CFAP161: variants seen among roughly 807,000 people sequenced by gnomAD.
CFAP161 encodes cilia- and flagella-associated protein 161.
In CFAP161, 25 loss-of-function variants were observed where a neutral mutation model predicts 29.0. The ratio of observed to expected loss-of-function variants is 0.86; its 90% CI spans 0.63 to 1.20. The LOEUF (loss-of-function observed/expected upper bound fraction) is 1.20, where lower values mean the gene tolerates loss of function less well. Among genes scored for constraint, CFAP161 ranks in the 50% most tolerant of loss-of-function variants. CFAP161 has a pLI of 0.00. For synonymous variants in CFAP161, 116 were observed against 137.4 expected, an observed-to-expected ratio of 0.84 and a Z score of 1.09; for missense variants, 367 against 371.9, an observed-to-expected ratio of 0.99 and a Z score of 0.11.
intron 1 of CFAP161, among the ~76,000 whole-genome samples, chr15:81,107,122 T>C (rs1005203177): frequency 2.0e-5 from 3 of 152,218 alleles, no homozygotes; most frequent in Admixed American, 2.0e-4. Flanking sequence ...AAACATCTGC[T>C]GAATGAGGTG....
chr15:81,140,093 G>GT (rs1894881244), intron 4 of CFAP161, among the ~76,000 whole-genome samples: 1 of 150,900 alleles, frequency 6.6e-6, no homozygotes, highest in Non-Finnish European at 1.5e-5. Context: ...CAAATCATCC[G>GT]TTTTTTGCCT....
intron 1 of CFAP161, among the ~76,000 whole-genome samples, chr15:81,135,018 T>C (rs1894784356): frequency 6.6e-6 from 1 of 152,316 alleles, no homozygotes; most frequent in East Asian, 1.9e-4. Context: ...TCATTTAGGA[T>C]GGTATCTGGC....
upstream of CFAP161, among the ~76,000 whole-genome samples, chr15:81,133,352 C>G (rs923603973): frequency 1.3e-5 from 2 of 151,546 alleles, no homozygotes; most frequent in Non-Finnish European, 2.9e-5. Context: ...GCCACCACGC[C>G]AGCCCATCAG....
intron 5 of CFAP161, among the ~76,000 whole-genome samples, chr15:81,147,326 C>T (rs1027621930): frequency 8.6e-5 from 13 of 152,036 alleles, no homozygotes; most frequent in African/African-American, 2.9e-4. Flanking sequence ...ATATTGAGGT[C>T]CCCGGACCCT....
At chr15:81,115,849 A>AT (rs59925511) in intron 1 of CFAP161, among the ~76,000 whole-genome samples, 1,760 of 138,688 alleles carry the variant, frequency 0.013, 52 homozygotes, top group East Asian at 0.11. Context: ...TAGCTAATTA[A>AT]TTTTTTTTTT....
intron 1 of CFAP161, among the ~76,000 whole-genome samples, chr15:81,107,987 T>C (rs1220565006): frequency 6.6e-6 from 1 of 152,066 alleles, no homozygotes; most frequent in East Asian, 1.9e-4. Flanking sequence ...TCCCATACTA[T>C]CTCTGCACTT....
chr15:81,125,112 G>GA (rs58323425), intron 1 of CFAP161, among the ~76,000 whole-genome samples: 26 of 149,540 alleles, frequency 1.7e-4, no homozygotes, highest in African/African-American at 5.4e-4. Context: ...AAGTAAAAAA[G>GA]AAAAAAAAAC....
At chr15:81,121,452 ACT>A (rs1567153455) in intron 1 of CFAP161, among the ~76,000 whole-genome samples, 1 of 151,898 alleles carries the variant, frequency 6.6e-6, no homozygotes, top group Non-Finnish European at 1.5e-5. Context: ...AGACAAAATT[ACT>A]CTTTCTTTCT....
intron 1 of CFAP161, 66 bp downstream of exon 1, chr15:81,134,464 G>C (rs1317472729): frequency 6.7e-7 from 1 of 1,503,060 alleles, no homozygotes; most frequent in African/African-American, 1.4e-5. Context: ...TCTAAGTTCA[G>C]TCTCCTACTT....
chr15:81,101,314 G>T (rs147472213), intron 1 of CFAP161, among the ~76,000 whole-genome samples: 2,024 of 151,576 alleles, frequency 0.013, 16 homozygotes, highest in Middle Eastern at 0.024. Context: ...ATCACCTGAG[G>T]TCAGGAGTTT....
rs748684725 is a variant in CFAP161, at chr15:81,138,049, A to C, written c.393-2A>C. On this transcript the variant is annotated splice_acceptor_variant, in intron 3 of 6. Coordinates refer to ENST00000286732, the MANE Select transcript of CFAP161 (RefSeq NM_173528.4). LOFTEE classifies it high-confidence loss of function. ...TACATTATACTTATTGTCCACTGAC[A>C]GTGTACACAGAGATGCCACTGGTCA... is the stretch of plus-strand genomic sequence containing the variant. 3 of 1,595,054 alleles carry C rather than the reference A, an allele frequency of 1.9e-6. No individual in the cohort carries two copies. In the African/African-American group the frequency reaches 4.0e-5, roughly 21 times the overall value.
At chr15:81,106,664 A>ATGAGGGCACT (rs1894376887) in intron 1 of CFAP161, among the ~76,000 whole-genome samples, 1 of 152,252 alleles carries the variant, frequency 6.6e-6, no homozygotes, top group Non-Finnish European at 1.5e-5. Flanking sequence ...GAATTGCCAC[A>ATGAGGGCACT]TGAGGGCACA....
intron 1 of CFAP161, among the ~76,000 whole-genome samples, chr15:81,105,136 C>T (rs56025907): frequency 1.0e-4 from 2 of 19,886 alleles, no homozygotes; most frequent in Non-Finnish European, 3.0e-4. Context: ...TTTCTCCCCC[C>T]TCCCCTCCCT....
At chr15:81,145,623 T>C (rs1894993577) in intron 5 of CFAP161, among the ~76,000 whole-genome samples, 1 of 152,122 alleles carries the variant, frequency 6.6e-6, no homozygotes, top group Non-Finnish European at 1.5e-5. Flanking sequence ...TTCAGGAAAG[T>C]CTCCCCAGGC....
At chr15:81,130,965 C>T (rs935621338), upstream of CFAP161, among the ~76,000 whole-genome samples, 2 of 151,778 alleles carry the variant, frequency 1.3e-5, no homozygotes, top group East Asian at 1.9e-4. Flanking sequence ...ACAATGGCAA[C>T]ATCAAAAATC....
upstream of CFAP161, among the ~76,000 whole-genome samples, chr15:81,131,713 T>C (rs532846360): frequency 1.4e-4 from 21 of 152,136 alleles, no homozygotes; most frequent in Admixed American, 1.2e-3. Flanking sequence ...TGCATCAATA[T>C]ACACATGATG....
At chr15:81,133,209 ATATATATATATATATGTATT>A (rs1435484539), upstream of CFAP161, among the ~76,000 whole-genome samples, 186 of 41,854 alleles carry the variant, frequency 4.4e-3, 8 homozygotes, top group South Asian at 0.013. Context: ...ATATATATAT[ATATATATATATATATGTATT>A]TTTTTTTAAA....
intron 1 of CFAP161, among the ~76,000 whole-genome samples, chr15:81,108,357 A>G (rs1181527374): frequency 6.6e-6 from 1 of 151,400 alleles, no homozygotes; most frequent in Non-Finnish European, 1.5e-5. Context: ...TTTTTTCCCA[A>G]CCAGCAACAG....
At position 81,113,975 on chromosome 15, in the gene CFAP161, A is replaced by C. The variant is rs1177931653; in HGVS notation, c.-141-13615A>C. Among the ~76,000 whole-genome samples, 16 of 152,240 alleles carry C rather than the reference A, an allele frequency of 1.1e-4. 1 individual carries two copies. The highest frequency in any genetic ancestry group is 1.0e-3 in the Admixed American group (16 of 15,288). On this transcript the variant is annotated intron_variant, in intron 1 of 4. Transcript: ENST00000560091. ...ATTATGAATAACAAAAGACATTCTC[A>C]TCATTCAGGAAATTCCAAGGGTTTT...
Sources: gnomAD v4.1 joint callset for allele counts (sites outside exome capture counted in the v4.1 genomes callset) on GRCh38, gnomAD v4.1.1 for gene constraint, MANE v1.5 for transcripts, NCBI Gene and HGNC (gene_info 2026-07-23, HGNC 2026-07-21) for gene names.